The following MROH1 variants were observed in gnomAD, a reference collection of about 807,000 sequenced individuals.
MROH1 encodes maestro heat-like repeat-containing protein family member 1.
A neutral mutation model predicts 116.5 loss-of-function variants in MROH1; 117 were observed. The observed-to-expected ratio is 1.00, with a 90% confidence interval of 0.86 to 1.17. MROH1 has a LOEUF of 1.17. MROH1 is among the 50% of genes most tolerant of loss of function. The pLI, the probability that MROH1 is intolerant of heterozygous loss-of-function variation, is 0.00. For synonymous variants in MROH1, 921 were observed against 583.9 expected, an observed-to-expected ratio of 1.58 and a Z score of -8.32; for missense variants, 1,873 against 1,338.5, an observed-to-expected ratio of 1.40 and a Z score of -6.23.
chr8:144,256,274 T>A (rs556067700), intron 35 of MROH1, among the ~76,000 whole-genome samples: 69 of 152,194 alleles, frequency 4.5e-4, no homozygotes, highest in African/African-American at 1.7e-3. Flanking sequence ...CACGAGCCCA[T>A]GTGAACGCAG....
rs144911074 is a variant in MROH1, at chr8:144,166,566, G to A, written c.23-1729G>A. On this transcript the variant is annotated intron_variant, in intron 3 of 43. Transcript: ENST00000326134. ...CTCCCTAGAGCTCTGTCCAAGGGATGAGCCACACCTCAGGGCTCTATAAGT... is the reference window on the plus strand; with the variant it reads ...CTCCCTAGAGCTCTGTCCAAGGGATAAGCCACACCTCAGGGCTCTATAAGT... Among the ~76,000 whole-genome samples the A allele has an allele frequency of 1.4e-4, 22 of 152,320 alleles. No homozygotes were observed. The East Asian group carries it at 4.2e-3, about 29-fold the overall frequency.
chr8:144,259,679 A>G (rs955455577), intron 37 of MROH1, among the ~76,000 whole-genome samples: 19 of 152,258 alleles, frequency 1.2e-4, no homozygotes, highest in African/African-American at 4.6e-4. Flanking sequence ...CTTCGTGGCC[A>G]AAGATGCCAA....
chr8:144,156,780 CTTT>C (rs1188353149), intron 1 of MROH1, among the ~76,000 whole-genome samples: 73 of 82,414 alleles, frequency 8.9e-4, no homozygotes, highest in African/African-American at 2.6e-3. Context: ...AGTTTAATTT[CTTT>C]TTTTTTTTTT....
rs1208847816 is a variant in MROH1 at position 144,247,597 on chromosome 8, C to T, written c.3038C>T (p.Ala1013Val). ...GFSRDYRDDV[A>V]ERLLSLKDGL... ...TCCCGGGACTACCGCGATGACGTGGCGGAGCGGCTCCTCAGCCTCAAGGAC... is the reference window on the plus strand; with the variant it reads ...TCCCGGGACTACCGCGATGACGTGGTGGAGCGGCTCCTCAGCCTCAAGGAC... The change falls in exon 31 of 44, where the codon GCG becomes GTG. Residue 1013 changes from alanine to valine, a missense_variant. By Grantham distance (64) the Ala-to-Val change is moderately conservative. Coordinates refer to ENST00000326134, the MANE Select transcript of MROH1 (RefSeq NM_032450.3). The T allele has an allele frequency of 2.6e-6, 2 of 773,100 alleles. No homozygotes were observed. Among genetic ancestry groups the T allele is most frequent in the South Asian group, 1.4e-5 (1 of 73,992 alleles). 47.9% of individuals were successfully genotyped at this position (773,100 alleles called of 1,614,324 possible).
rs1303949165 is a variant in MROH1 at position 144,239,151 on chromosome 8, C to T, written c.1563C>T (p.Asp521=). ...AGAAGAGGCAGGAGGCCGGGGCCGA[C>T]GCCTTCCTCATCCAGTACGACGCCC... ...LAQKRQEAGA[D]AFLIQYDAHA... Residue 521 remains aspartate (D), a synonymous_variant, in exon 16 of 44, where the codon GAC becomes GAT. Coordinates refer to ENST00000326134, the MANE Select transcript of MROH1 (RefSeq NM_032450.3). The T allele has an allele frequency of 2.5e-5, 19 of 767,454 alleles. No homozygotes were observed. The highest frequency in any genetic ancestry group is 6.0e-4 in the Middle Eastern group (2 of 3,308). 47.5% of individuals were successfully genotyped at this position (767,454 alleles called of 1,614,324 possible). A position where few individuals can be genotyped will look rare whatever the true frequency, so the allele number is the denominator to read the frequency against.
intron 10 of MROH1, chr8:144,193,359 G>A (rs1374799375): frequency 6.6e-6 from 1 of 152,160 alleles, no homozygotes; most frequent in Non-Finnish European, 1.5e-5. Flanking sequence ...GGACCCAAAT[G>A]GTTTCACGAC....
chr8:144,222,967 G>C, intron 13 of MROH1, 141 bp from the exon 14 acceptor site: 1 of 1,215,954 alleles, frequency 8.2e-7, no homozygotes, highest in Non-Finnish European at 1.2e-6. Context: ...TATGGGTGCA[G>C]GTACAGGTGT....
intron 2 of MROH1, among the ~76,000 whole-genome samples, chr8:144,161,604 T>C (rs945018769): frequency 1.3e-5 from 2 of 152,234 alleles, no homozygotes; most frequent in Admixed American, 6.5e-5. Flanking sequence ...TGATGTCCAT[T>C]GTCCTGAGAA....
At chr8:144,217,234 G>T (rs766292212) in intron 12 of MROH1, among the ~76,000 whole-genome samples, 1 of 152,186 alleles carries the variant, frequency 6.6e-6, no homozygotes, top group Non-Finnish European at 1.5e-5. Flanking sequence ...ACCACAGATT[G>T]TCCACATGGG....
In MROH1 at chr8:144,167,154, C is replaced by T. The variant is rs534054195; in HGVS notation, c.23-1141C>T. Among the ~76,000 whole-genome samples, 5 of 152,062 alleles carry T rather than the reference C, an allele frequency of 3.3e-5. 1 individual carries two copies. The South Asian group carries it at 1.0e-3, about 32-fold the overall frequency. On this transcript the variant is annotated intron_variant, in intron 3 of 43. Transcript: ENST00000326134. Reference sequence around the variant, plus strand: ...AAGAGAGGGGACATCCACAAACCAGCCTGGAGGGTCTTGTTGGGGTGGAGT... The same window carrying T: ...AAGAGAGGGGACATCCACAAACCAGTCTGGAGGGTCTTGTTGGGGTGGAGT...
chr8:144,209,062 TG>T (rs1833508307), intron 12 of MROH1, among the ~76,000 whole-genome samples: 1 of 92,936 alleles, frequency 1.1e-5, no homozygotes, highest in Admixed American at 1.1e-4. Flanking sequence ...TGTGTGTGTG[TG>T]TGTGTGTGTG....
At chr8:144,203,663 C>T (rs1327088081) in intron 12 of MROH1, among the ~76,000 whole-genome samples, 1 of 152,096 alleles carries the variant, frequency 6.6e-6, no homozygotes, top group Non-Finnish European at 1.5e-5. Context: ...GGGAAGGGAG[C>T]CTCAGAGGCA....
At chr8:144,155,852 C>T (rs1359285698) in intron 1 of MROH1, among the ~76,000 whole-genome samples, 2 of 151,840 alleles carry the variant, frequency 1.3e-5, no homozygotes, top group South Asian at 2.1e-4. Context: ...ACACTGGTCT[C>T]GAACTCGTGA....
intron 34 of MROH1, 97 bp from the exon 35 acceptor site, chr8:144,255,412 T>TGCAGGCGAAGGGG (rs1843554798): frequency 8.5e-6 from 6 of 704,016 alleles, no homozygotes; most frequent in Non-Finnish European, 1.6e-5. Flanking sequence ...TCCGAGCACA[T>TGCAGGCGAAGGGG]GATGCAGGCG....
chr8:144,211,726 C>CAA (rs74429626), intron 12 of MROH1, among the ~76,000 whole-genome samples: 3 of 114,900 alleles, frequency 2.6e-5, no homozygotes, highest in Non-Finnish European at 5.6e-5. Context: ...AATTCCATCT[C>CAA]AAAAAAAAAA....
Position 144,163,754 on chromosome 8 carries a change from G to A in MROH1, c.-56-17G>A. On this transcript the variant is annotated splice_polypyrimidine_tract_variant and intron_variant, in intron 2 of 43. Transcript: ENST00000326134. This position sits in a 1 kb window ranked among gnomAD's most constrained non-coding sequence, Gnocchi z 4.4. ...TAGAGGCTTATGAATTAAATCTTGT[G>A]ATTTTGGTTATTCCAGATGGGAGAA... 2 of 1,530,268 alleles carry A rather than the reference G, an allele frequency of 1.3e-6. No individual in the cohort carries two copies. Among genetic ancestry groups the A allele is most frequent in the Non-Finnish European group, 1.8e-6 (2 of 1,109,084 alleles). The allele number at this position is 1,530,268 out of a possible 1,614,324, so 94.8% of individuals were successfully genotyped here. A position where few individuals can be genotyped will look rare whatever the true frequency, so the allele number is the denominator to read the frequency against.
intron 13 of MROH1, among the ~76,000 whole-genome samples, chr8:144,222,410 C>T (rs1160998673): frequency 6.6e-6 from 1 of 152,122 alleles, no homozygotes; most frequent in Non-Finnish European, 1.5e-5. Flanking sequence ...GACCTGAGCA[C>T]ATCCACAAGC....
At chr8:144,239,870 G>A (rs929911484) in intron 18 of MROH1, 115 bp downstream of exon 18, 10 of 682,632 alleles carry the variant, frequency 1.5e-5, no homozygotes, top group Non-Finnish European at 2.4e-5. Context: ...GGCCAATGGG[G>A]ACTAGGGTTG....
At chr8:144,235,012 C>T (rs1214122132) in intron 14 of MROH1, among the ~76,000 whole-genome samples, 1 of 149,778 alleles carries the variant, frequency 6.7e-6, no homozygotes, top group African/African-American at 2.5e-5. Context: ...CATGCCTCAG[C>T]CTCCCGCGTA....
Sources: allele counts gnomAD v4.1 joint callset (sites outside exome capture counted in the v4.1 genomes callset), GRCh38; gene constraint gnomAD v4.1.1; non-coding constraint Gnocchi (gnomAD v3.1); transcripts MANE v1.5; gene names NCBI Gene and HGNC (gene_info 2026-07-23, HGNC 2026-07-21).